Variants in TMEM108 observed in about 807,000 individuals in gnomAD.
TMEM108 encodes cancer/testis antigen 124.
Under a neutral mutation model 35.1 loss-of-function variants are expected in TMEM108, and 12 were observed. The ratio of observed to expected loss-of-function variants is 0.34; its 90% CI spans 0.22 to 0.55. The LOEUF (loss-of-function observed/expected upper bound fraction) is 0.55. Ranked by LOEUF, TMEM108 falls within the 20% of genes least tolerant of loss-of-function variation. The probability of loss-of-function intolerance (pLI) is 0.89; values close to 1 mark genes in which losing one functional copy is unlikely to be tolerated. For missense variants in TMEM108, 680 were observed against 753.3 expected (o/e 0.90, Z 1.14); for synonymous variants, 287 against 308.6 (o/e 0.93, Z 0.73).
chr3:133,128,153 C>T (rs1328288091), intron 2 of TMEM108, among the ~76,000 whole-genome samples: 1 of 152,220 alleles, frequency 6.6e-6, no homozygotes, highest in Non-Finnish European at 1.5e-5. Context: ...AACAGTAACT[C>T]TATCACTCAT....
chr3:133,194,153 T>C (rs983322424), intron 2 of TMEM108, among the ~76,000 whole-genome samples: 2 of 152,122 alleles, frequency 1.3e-5, no homozygotes, highest in African/African-American at 4.8e-5. Flanking sequence ...GTCAGGCTAG[T>C]CTTGAACTCC....
At chr3:133,349,303 A>G (rs1307322578) in intron 3 of TMEM108, among the ~76,000 whole-genome samples, 1 of 152,168 alleles carries the variant, frequency 6.6e-6, no homozygotes, top group Non-Finnish European at 1.5e-5. Flanking sequence ...GTGGCACAAT[A>G]TAAACACATG....
At chr3:133,328,690 T>A (rs1057451088) in intron 3 of TMEM108, among the ~76,000 whole-genome samples, 46 of 152,332 alleles carry the variant, frequency 3.0e-4, no homozygotes, top group African/African-American at 1.1e-3. Flanking sequence ...CATCTCATGC[T>A]GTCAGACTGT....
intron 2 of TMEM108, among the ~76,000 whole-genome samples, chr3:133,098,692 G>T (rs572987835): frequency 6.6e-6 from 1 of 152,286 alleles, no homozygotes; most frequent in Non-Finnish European, 1.5e-5. Flanking sequence ...AAACAAAGGG[G>T]TTACAGGGTC....
At chr3:133,050,707 A>AT (rs57515933) in intron 2 of TMEM108, among the ~76,000 whole-genome samples, 14,775 of 146,092 alleles carry the variant, frequency 0.1, 2,268 homozygotes, top group African/African-American at 0.33. Flanking sequence ...GAAACCACTG[A>AT]TTTTTTTTTT....
intron 3 of TMEM108, among the ~76,000 whole-genome samples, chr3:133,300,726 C>G (rs1947210072): frequency 6.6e-6 from 1 of 151,908 alleles, no homozygotes; most frequent in Non-Finnish European, 1.5e-5. Flanking sequence ...AGGTACCTAG[C>G]CCTGGAGTGA....
At chr3:133,360,527 A>G (rs141025767) in intron 3 of TMEM108, among the ~76,000 whole-genome samples, 57 of 152,262 alleles carry the variant, frequency 3.7e-4, no homozygotes, top group African/African-American at 1.3e-3. Flanking sequence ...AATACAAATG[A>G]GCAGCCCGTA....
intron 3 of TMEM108, among the ~76,000 whole-genome samples, chr3:133,258,953 T>C (rs1445547592): frequency 6.6e-6 from 1 of 152,264 alleles, no homozygotes; most frequent in Non-Finnish European, 1.5e-5. Flanking sequence ...GCTTTTGTTT[T>C]AGTATTTGCA....
intron 3 of TMEM108, among the ~76,000 whole-genome samples, chr3:133,257,733 TAGTGTATCTAAACTA>T: frequency 6.6e-6 from 1 of 152,234 alleles, no homozygotes. Context: ...GGTAGTTAAG[TAGTGTATCTAAACTA>T]AGTGGAGTAG....
Position 133,060,535 on chromosome 3 carries a change from C to T in TMEM108, c.-47+14515C>T, listed in dbSNP as rs114438499. Among the ~76,000 whole-genome samples, 21 of 152,126 alleles carry T rather than the reference C, an allele frequency of 1.4e-4. No homozygotes were observed. In the South Asian group the frequency reaches 4.0e-3, roughly 29 times the overall value. ...GATAATTTTATGGACTGTTTGTATA[C>T]CCCCCAAATTCATGTTTTAATCTAA... On this transcript the variant is annotated intron_variant, in intron 2 of 5. Transcript: ENST00000321871.
At position 133,128,746 on chromosome 3, in the gene TMEM108, A is replaced by T. The variant is rs376508120; in HGVS notation, c.-47+82726A>T. Among the ~76,000 whole-genome samples the T allele has an allele frequency of 2.0e-4, 31 of 152,292 alleles. 1 individual carries two copies. The highest frequency in any genetic ancestry group is 7.0e-4 in the African/African-American group (29 of 41,568). On this transcript the variant is annotated intron_variant, in intron 2 of 5. Coordinates refer to ENST00000321871, the MANE Select transcript of TMEM108 (RefSeq NM_023943.4). The stretch of plus-strand genomic sequence containing the variant: ...TTGGGTGAAGAAACAAAGGCCTGCA[A>T]AGTTACTTCCTAAGATCCCACAGCA...
At chr3:133,193,905 T>C (rs990478954) in intron 2 of TMEM108, among the ~76,000 whole-genome samples, 1 of 151,550 alleles carries the variant, frequency 6.6e-6, no homozygotes, top group Non-Finnish European at 1.5e-5. Context: ...TTTAATGAAA[T>C]ACAAATGCTT....
chr3:133,196,391 G>A (rs1436513225), intron 2 of TMEM108, among the ~76,000 whole-genome samples: 2 of 152,194 alleles, frequency 1.3e-5, no homozygotes, highest in East Asian at 3.8e-4. Flanking sequence ...ATGGAAACCA[G>A]TTAGCAAGAT....
intron 2 of TMEM108, among the ~76,000 whole-genome samples, chr3:133,176,447 A>C (rs1247392354): frequency 6.6e-6 from 1 of 152,210 alleles, no homozygotes; most frequent in African/African-American, 2.4e-5. Flanking sequence ...GCAAATGTAA[A>C]AGAACAGAAA....
intron 2 of TMEM108, among the ~76,000 whole-genome samples, chr3:133,103,362 T>A (rs1944112211): frequency 6.6e-6 from 1 of 152,082 alleles, no homozygotes; most frequent in Non-Finnish European, 1.5e-5. Context: ...ATGTTCTCAC[T>A]TACAAGTGAG....
intron 2 of TMEM108, among the ~76,000 whole-genome samples, chr3:133,103,922 A>G (rs370250739): frequency 4.6e-5 from 7 of 152,234 alleles, no homozygotes; most frequent in African/African-American, 1.4e-4. Flanking sequence ...GGCATGCAGT[A>G]TGCCTTCAGT....
chr3:133,370,988 G>A (rs1182322664), intron 3 of TMEM108, among the ~76,000 whole-genome samples: 1 of 151,188 alleles, frequency 6.6e-6, no homozygotes, highest in African/African-American at 2.4e-5. Context: ...ACCTGTGGCT[G>A]TTGATCAGAG....
At chr3:133,175,565 C>T (rs1326177170) in intron 2 of TMEM108, among the ~76,000 whole-genome samples, 2 of 152,040 alleles carry the variant, frequency 1.3e-5, no homozygotes, top group Non-Finnish European at 2.9e-5. Flanking sequence ...TCATATCCAG[C>T]CAAACTAAGC....
At chr3:133,193,748 A>G (rs969952948) in intron 2 of TMEM108, among the ~76,000 whole-genome samples, 1 of 152,066 alleles carries the variant, frequency 6.6e-6, no homozygotes, top group Non-Finnish European at 1.5e-5. Flanking sequence ...TCTCTTTCTC[A>G]TATTACTGAT....
Sources: allele counts gnomAD v4.1 joint callset (sites outside exome capture counted in the v4.1 genomes callset), GRCh38; gene constraint gnomAD v4.1.1; transcripts MANE v1.5; gene names NCBI Gene and HGNC (gene_info 2026-07-23, HGNC 2026-07-21).